CYP19A1: variants seen among roughly 807,000 people sequenced by gnomAD.
The protein encoded by CYP19A1 is cytochrome P450 family 19 subfamily A member 1, also known as aromatase.
Under a neutral mutation model 44.4 loss-of-function variants are expected in CYP19A1, and 32 were observed. The observed-to-expected ratio is 0.72, with a 90% CI of 0.54 to 0.97. CYP19A1 has a LOEUF of 0.97. CYP19A1 is among the 50% of genes least tolerant of loss of function. The pLI is 0.00. For synonymous variants in CYP19A1, 212 were observed against 215.6 expected, an observed-to-expected ratio of 0.98 and a Z score of 0.14; for missense variants, 598 against 637.8, an observed-to-expected ratio of 0.94 and a Z score of 0.67.
chr15:51,238,052 G>T (rs965494849), intron 2 of CYP19A1, among the ~76,000 whole-genome samples: 1 of 152,202 alleles, frequency 6.6e-6, no homozygotes, highest in African/African-American at 2.4e-5. Flanking sequence ...ATCTGAATTG[G>T]ATGTTTAATC....
At chr15:51,268,529 C>A (rs934426278) in intron 1 of CYP19A1, among the ~76,000 whole-genome samples, 4 of 130,298 alleles carry the variant, frequency 3.1e-5, no homozygotes, top group African/African-American at 1.1e-4. Flanking sequence ...TCCCCCCCCC[C>A]CTTTTTTTTT....
intron 4 of CYP19A1, among the ~76,000 whole-genome samples, chr15:51,226,658 T>TGTAG (rs1566879247): frequency 2.0e-5 from 3 of 152,152 alleles, no homozygotes; most frequent in African/African-American, 7.2e-5. Flanking sequence ...AGACCTAAAA[T>TGTAG]CATCTAGCCC....
chr15:51,240,424 A>G (rs998137943), intron 2 of CYP19A1, among the ~76,000 whole-genome samples: 3 of 152,146 alleles, frequency 2.0e-5, no homozygotes, highest in Non-Finnish European at 4.4e-5. Context: ...TTTGTAAATT[A>G]TAACTCACTT....
intron 4 of CYP19A1, among the ~76,000 whole-genome samples, chr15:51,224,114 G>A (rs983517250): frequency 2.0e-5 from 3 of 152,138 alleles, no homozygotes; most frequent in East Asian, 3.9e-4. Flanking sequence ...CACATTTCTC[G>A]GCAGTTTTGG....
intron 1 of CYP19A1, among the ~76,000 whole-genome samples, chr15:51,279,534 G>T (rs998319020): frequency 5.9e-5 from 9 of 152,202 alleles, no homozygotes; most frequent in Non-Finnish European, 1.0e-4. Flanking sequence ...GTGGGATGTG[G>T]CTAAGGCTCA....
At chr15:51,281,972 A>AG (rs1200455744) in intron 1 of CYP19A1, among the ~76,000 whole-genome samples, 1 of 152,230 alleles carries the variant, frequency 6.6e-6, no homozygotes, top group Non-Finnish European at 1.5e-5. Context: ...GAGGTAGAAA[A>AG]GGCAAGAAAA....
chr15:51,332,493 A>G (rs2036717201), intron 1 of CYP19A1, among the ~76,000 whole-genome samples: 1 of 152,188 alleles, frequency 6.6e-6, no homozygotes, highest in Non-Finnish European at 1.5e-5. Context: ...ACATTCCTGA[A>G]CTGTCTATTA....
intron 1 of CYP19A1, chr15:51,278,899 AT>A (rs1483204515): frequency 1.3e-5 from 2 of 152,170 alleles, no homozygotes; most frequent in Non-Finnish European, 2.9e-5. Context: ...ACTGTCCCAC[AT>A]AGGGACATTT....
In CYP19A1 at chr15:51,242,970, A is replaced by G; in HGVS notation, c.-38-20T>C. ...AGAGTCCTGTGGAAATCAAAGGGACAGAAAAATTACAGAATCCCCTAAAAG... is the reference window on the plus strand; with the variant it reads ...AGAGTCCTGTGGAAATCAAAGGGACGGAAAAATTACAGAATCCCCTAAAAG... On this transcript the variant is annotated intron_variant, in intron 1 of 9. Transcript: ENST00000396402. 2 of 1,272,278 alleles carry G rather than the reference A, an allele frequency of 1.6e-6. No homozygotes were observed. Among genetic ancestry groups the G allele is most frequent in the East Asian group, 4.6e-5 (2 of 43,262 alleles). 78.8% of individuals were successfully genotyped at this position (1,272,278 alleles called of 1,614,324 possible).
intron 1 of CYP19A1, among the ~76,000 whole-genome samples, chr15:51,286,072 C>T (rs1331269934): frequency 6.6e-6 from 1 of 152,196 alleles, no homozygotes; most frequent in Non-Finnish European, 1.5e-5. Context: ...AGGCCAGACC[C>T]ATTCTACCAC....
At chr15:51,326,138 G>A (rs2036605295) in intron 1 of CYP19A1, among the ~76,000 whole-genome samples, 1 of 152,140 alleles carries the variant, frequency 6.6e-6, no homozygotes, top group South Asian at 2.1e-4. Context: ...AGTCAGAGGT[G>A]TCTATAATTA....
intron 1 of CYP19A1, among the ~76,000 whole-genome samples, chr15:51,266,486 G>A (rs2034923236): frequency 6.6e-6 from 1 of 152,224 alleles, no homozygotes. Context: ...TCCTCATCTA[G>A]ACGAAGGTGG....
chr15:51,237,037 C>T (rs2033443331), intron 2 of CYP19A1, 28 bp from the exon 3 acceptor site: 1 of 1,613,686 alleles, frequency 6.2e-7, no homozygotes, highest in Non-Finnish European at 8.5e-7. Flanking sequence ...GCATAAGCAA[C>T]ATCTTAGTTA....
intron 7 of CYP19A1, among the ~76,000 whole-genome samples, 182 bp from the exon 8 acceptor site, chr15:51,215,414 G>T (rs1384337188): frequency 6.6e-6 from 1 of 152,154 alleles, no homozygotes; most frequent in East Asian, 1.9e-4. Flanking sequence ...CGATTAGGCC[G>T]ACTGTCTATG....
At chr15:51,245,519 A>G (rs2034013562) in intron 1 of CYP19A1, among the ~76,000 whole-genome samples, 1 of 152,194 alleles carries the variant, frequency 6.6e-6, no homozygotes, top group Admixed American at 6.5e-5. Context: ...AAATTGACAA[A>G]TGGGATCTAA....
At chr15:51,223,587 T>TCACACACACACACACA (rs1566877201) in intron 4 of CYP19A1, among the ~76,000 whole-genome samples, 1 of 73,460 alleles carries the variant, frequency 1.4e-5, no homozygotes, top group Non-Finnish European at 2.9e-5. Flanking sequence ...TCTCTCTCTC[T>TCACACACACACACACA]CTCTCTCACA....
At chr15:51,232,900 T>A (rs1301256310) in intron 3 of CYP19A1, among the ~76,000 whole-genome samples, 1 of 152,230 alleles carries the variant, frequency 6.6e-6, no homozygotes, top group Non-Finnish European at 1.5e-5. Flanking sequence ...TTCAGTGGCT[T>A]CCTTTCTTGC....
Position 51,251,932 on chromosome 15 carries a change from G to T in CYP19A1, c.-38-8982C>A, listed in dbSNP as rs557446796. Among the ~76,000 whole-genome samples the T allele has an allele frequency of 9.9e-5, 15 of 152,264 alleles. No homozygotes were observed. In the East Asian group the frequency reaches 2.7e-3, roughly 27 times the overall value. On this transcript the variant is annotated intron_variant, in intron 1 of 9. Coordinates refer to ENST00000396402, the MANE Select transcript of CYP19A1 (RefSeq NM_000103.4). ...ATTTCCTTATCTATAAAATGAGGGG[G>T]TTGAGCCACAGGGCCCCTCTTATCT... is the stretch of plus-strand genomic sequence containing the variant.
intron 3 of CYP19A1, among the ~76,000 whole-genome samples, chr15:51,229,800 T>G (rs977373924): frequency 1.3e-5 from 2 of 152,240 alleles, no homozygotes; most frequent in Non-Finnish European, 2.9e-5. Flanking sequence ...TTAAAAATTT[T>G]AAGCACTTAA....
Sources: gnomAD v4.1 joint callset for allele counts (sites outside exome capture counted in the v4.1 genomes callset) on GRCh38, gnomAD v4.1.1 for gene constraint, MANE v1.5 for transcripts, NCBI Gene and HGNC (gene_info 2026-07-23, HGNC 2026-07-21) for gene names.